DNAJB6: variants seen among roughly 807,000 people sequenced by gnomAD.
DNAJB6 encodes the protein DnaJ heat shock protein family (Hsp40) member B6.
DNAJB6 carries 16 observed loss-of-function variants against 42.7 expected under a neutral mutation model. The ratio of observed to expected loss-of-function variants is 0.37; its 90% CI spans 0.25 to 0.57. The LOEUF (loss-of-function observed/expected upper bound fraction) is 0.57, where lower values mean the gene tolerates loss of function less well. DNAJB6 is among the 20% of genes least tolerant of loss of function. The pLI, the probability that DNAJB6 is intolerant of heterozygous loss-of-function variation, is 0.74. For missense variants in DNAJB6, 347 were observed against 416.8 expected (o/e 0.83, Z 1.46); for synonymous variants, 170 against 163.5 (o/e 1.04, Z -0.30).
chr7:157,409,665 C>CT, intron 8 of DNAJB6, 130 bp from the exon 9 acceptor site: 1 of 1,070,770 alleles, frequency 9.3e-7, no homozygotes, highest in Non-Finnish European at 1.3e-6. Flanking sequence ...GAGATAACCT[C>CT]TTTCTCCTGC....
At chr7:157,404,120 C>G (rs6969671) in intron 8 of DNAJB6, among the ~76,000 whole-genome samples, 9,272 of 151,498 alleles carry the variant, frequency 0.061, 521 homozygotes, top group African/African-American at 0.15. Context: ...GCATGCACCA[C>G]TAGGCCTGGC....
chr7:157,383,556 AAAT>A lies in DNAJB6; in HGVS notation c.478+1181_478+1183del, dbSNP rs1800893945. Among the ~76,000 whole-genome samples, 3 of 152,250 alleles carry A rather than the reference AAAT, an allele frequency of 2.0e-5. No individual in the cohort carries two copies. The South Asian group carries it at 6.2e-4, about 32-fold the overall frequency. ...ACCACAGGTTAAGAAAGCTAGTTAA[AAAT>A]ACCACGTAAATTGTCCTTTTTAAAA... On this transcript the variant is annotated intron_variant, in intron 6 of 9. Transcript: ENST00000262177.
intron 8 of DNAJB6, among the ~76,000 whole-genome samples, chr7:157,395,247 G>C (rs2117139723): frequency 6.6e-6 from 1 of 152,302 alleles, no homozygotes; most frequent in African/African-American, 2.4e-5. Flanking sequence ...GTTGGTGCTG[G>C]GCACATCTGG....
chr7:157,409,675 C>G, intron 8 of DNAJB6, 120 bp from the exon 9 acceptor site: 1 of 1,133,616 alleles, frequency 8.8e-7, no homozygotes, highest in East Asian at 2.8e-5. Flanking sequence ...CTTTCTCCTG[C>G]CCGGAGATGG....
At chr7:157,386,604 G>C (rs912357951) in intron 8 of DNAJB6, among the ~76,000 whole-genome samples, 1 of 111,638 alleles carries the variant, frequency 9.0e-6, no homozygotes, top group Admixed American at 9.8e-5. Flanking sequence ...TTACGGATCC[G>C]GGCGCGGTAG....
chr7:157,344,068 T>C (rs970969020), intron 1 of DNAJB6, among the ~76,000 whole-genome samples: 4 of 152,076 alleles, frequency 2.6e-5, no homozygotes, highest in Non-Finnish European at 5.9e-5. Flanking sequence ...GGGCCGGGTG[T>C]GGTGGCTCAC....
chr7:157,369,841 T>C (rs541814654), intron 5 of DNAJB6, among the ~76,000 whole-genome samples: 10 of 149,068 alleles, frequency 6.7e-5, no homozygotes, highest in South Asian at 6.3e-4. Context: ...TTTCATAACG[T>C]TATTATTAAA....
At chr7:157,337,561 A>G (rs1196760761) in intron 1 of DNAJB6, 3 of 152,146 alleles carry the variant, frequency 2.0e-5, no homozygotes, top group Admixed American at 2.0e-4. Context: ...CTGAAACCAG[A>G]AACGGGAGTG....
chr7:157,367,171 C>A (rs967969598), intron 4 of DNAJB6, among the ~76,000 whole-genome samples: 4 of 152,238 alleles, frequency 2.6e-5, no homozygotes, highest in African/African-American at 9.6e-5. Context: ...GGGGCCACTG[C>A]TGCACTCATA....
At position 157,387,315 on chromosome 7, in the gene DNAJB6, G is replaced by C. The variant is rs1801115429; in HGVS notation, c.691+1704G>C. 2.0e-5 allele frequency among the ~76,000 whole-genome samples: 3 copies of C among 152,202 alleles called. No individual in the cohort carries two copies. In the South Asian group the frequency reaches 6.2e-4, roughly 31 times the overall value. On this transcript the variant is annotated intron_variant, in intron 8 of 9. Transcript: ENST00000262177. ...TGTGTCGGAAATAACCCAGCACGCGGCACTTCCTGTCTCTGGATAAGGTAG... is the reference window on the plus strand; with the variant it reads ...TGTGTCGGAAATAACCCAGCACGCGCCACTTCCTGTCTCTGGATAAGGTAG...
At chr7:157,378,921 T>C (rs1000902035) in intron 5 of DNAJB6, 7 of 152,220 alleles carry the variant, frequency 4.6e-5, no homozygotes, top group Non-Finnish European at 4.4e-5. Context: ...TAATGTTTCT[T>C]AGCACTGTTT....
intron 1 of DNAJB6, among the ~76,000 whole-genome samples, chr7:157,341,408 G>T (rs1432069943): frequency 6.6e-6 from 1 of 152,162 alleles, no homozygotes; most frequent in South Asian, 2.1e-4. Flanking sequence ...ACAGGTGTGA[G>T]CCACTGCGCC....
At chr7:157,342,607 C>T (rs1375646434) in intron 1 of DNAJB6, among the ~76,000 whole-genome samples, 3 of 152,160 alleles carry the variant, frequency 2.0e-5, no homozygotes, top group African/African-American at 7.2e-5. Context: ...CAGGCGTGAG[C>T]CAGCGTGCTG....
At chr7:157,369,715 GGGCCCCTTCTTC>G (rs1563128103) in intron 5 of DNAJB6, among the ~76,000 whole-genome samples, 69 of 127,184 alleles carry the variant, frequency 5.4e-4, no homozygotes, top group African/African-American at 1.8e-3. Flanking sequence ...ATTATTAAAC[GGGCCCCTTCTTC>G]ACATTATTAT....
At chr7:157,385,150 TC>T in intron 7 of DNAJB6, 142 bp downstream of exon 7, 2 of 863,230 alleles carry the variant, frequency 2.3e-6, no homozygotes, top group Non-Finnish European at 3.4e-6. Flanking sequence ...CTCTCCAAAT[TC>T]ATTAATTAAA....
rs377465544 is a variant in DNAJB6, at chr7:157,353,572, T to TTTTTC, written c.-26-4972_-26-4968dup. Among the ~76,000 whole-genome samples the TTTTTC allele has an allele frequency of 6.4e-3, 959 of 149,080 alleles. 12 individuals are homozygous for TTTTTC. Among genetic ancestry groups the TTTTTC allele is most frequent in the African/African-American group, 0.022 (887 of 40,076 alleles). Reference sequence around the variant, plus strand: ...TAGTTACAGGTTGTCTGTCCCGTTGTTTTTCTTGACCGGGGTGTGTGTGTG... The same window carrying TTTTTC: ...TAGTTACAGGTTGTCTGTCCCGTTGTTTTTCTTTTCTTGACCGGGGTGTGTGTGTG... On this transcript the variant is annotated intron_variant, in intron 1 of 9. Coordinates refer to ENST00000262177, the MANE Select transcript of DNAJB6 (RefSeq NM_058246.4).
At chr7:157,357,601 C>A (rs950953302) in intron 1 of DNAJB6, among the ~76,000 whole-genome samples, 4 of 151,930 alleles carry the variant, frequency 2.6e-5, no homozygotes, top group African/African-American at 9.7e-5. Flanking sequence ...GTGAGCCACG[C>A]GCCCGGCTGT....
intron 1 of DNAJB6, among the ~76,000 whole-genome samples, chr7:157,351,866 G>T (rs1332849762): frequency 6.6e-6 from 1 of 152,016 alleles, no homozygotes. Flanking sequence ...GGTGGCACAT[G>T]CCTGTAGTCC....
chr7:157,363,084 G>T, intron 2 of DNAJB6, 77 bp from the exon 3 acceptor site: 2 of 979,768 alleles, frequency 2.0e-6, no homozygotes, highest in Non-Finnish European at 3.1e-6. Context: ...CCATTCTCGT[G>T]GTTAATGATG....
Sources: allele counts gnomAD v4.1 joint callset (sites outside exome capture counted in the v4.1 genomes callset), GRCh38; gene constraint gnomAD v4.1.1; transcripts MANE v1.5; gene names NCBI Gene and HGNC (gene_info 2026-07-23, HGNC 2026-07-21).